Variants in MTUS2 observed in about 807,000 individuals in gnomAD.
The protein encoded by MTUS2 is microtubule-associated tumor suppressor candidate 2.
MTUS2 carries 40 observed loss-of-function variants against 114.1 expected under a neutral mutation model. The ratio of observed to expected loss-of-function variants is 0.35; its 90% CI spans 0.27 to 0.46. The LOEUF (loss-of-function observed/expected upper bound fraction) is 0.46. MTUS2 is among the 20% of genes least tolerant of loss of function. The pLI, the probability that MTUS2 is intolerant of heterozygous loss-of-function variation, is 1.00. For synonymous variants in MTUS2, 688 were observed against 672.0 expected (o/e 1.02, Z -0.37); for missense variants, 1,679 against 1,705.4 (o/e 0.98, Z 0.27).
At chr13:29,077,542 T>A (rs968056900) in intron 4 of MTUS2, among the ~76,000 whole-genome samples, 3 of 152,148 alleles carry the variant, frequency 2.0e-5, no homozygotes, top group African/African-American at 7.2e-5. Flanking sequence ...TTTCATTTAG[T>A]TTTTTCTTCC....
chr13:29,295,180 C>T (rs1898885919), intron 6 of MTUS2, among the ~76,000 whole-genome samples: 1 of 151,652 alleles, frequency 6.6e-6, no homozygotes, highest in Non-Finnish European at 1.5e-5. Context: ...GTATAGGGCA[C>T]AGTGTGACAT....
At chr13:28,970,260 T>C (rs1349107796) in intron 2 of MTUS2, among the ~76,000 whole-genome samples, 1 of 152,264 alleles carries the variant, frequency 6.6e-6, no homozygotes, top group Non-Finnish European at 1.5e-5. Flanking sequence ...TTTGTCTAGA[T>C]CTTTATATGT....
chr13:29,439,584 C>A (rs1238902441), intron 8 of MTUS2, among the ~76,000 whole-genome samples: 2 of 152,072 alleles, frequency 1.3e-5, no homozygotes, highest in Non-Finnish European at 2.9e-5. Flanking sequence ...AAGCATTTGG[C>A]CCTCAGAGAA....
At chr13:29,217,389 A>G (rs1189665587) in intron 5 of MTUS2, among the ~76,000 whole-genome samples, 2 of 152,350 alleles carry the variant, frequency 1.3e-5, no homozygotes, top group East Asian at 1.9e-4. Context: ...CCACTGCTAT[A>G]AAGGTGAGTC....
intron 7 of MTUS2, chr13:29,339,678 T>C (rs1376455745): frequency 5.4e-6 from 1 of 183,886 alleles, no homozygotes; most frequent in Non-Finnish European, 1.1e-5. Flanking sequence ...AGCGGTGGCC[T>C]GTTGGGAAAG....
chr13:28,842,336 T>C (rs1399642993), intron 2 of MTUS2, among the ~76,000 whole-genome samples: 1 of 152,184 alleles, frequency 6.6e-6, no homozygotes, highest in Non-Finnish European at 1.5e-5. Context: ...GTGGACATTA[T>C]CCTTGACTGT....
chr13:29,429,863 G>A (rs1876857378), intron 8 of MTUS2, among the ~76,000 whole-genome samples: 1 of 152,094 alleles, frequency 6.6e-6, no homozygotes, highest in Admixed American at 6.5e-5. Context: ...CGGTCACTTG[G>A]GAGCATCTTA....
intron 8 of MTUS2, chr13:29,428,869 T>G: frequency 6.2e-7 from 1 of 1,614,116 alleles, no homozygotes; most frequent in African/African-American, 1.3e-5. Context: ...GCAAGCCTTA[T>G]AACTGCCTTC....
At chr13:28,835,189 T>TA (rs1874987177) in intron 1 of MTUS2, among the ~76,000 whole-genome samples, 1 of 152,322 alleles carries the variant, frequency 6.6e-6, no homozygotes, top group Non-Finnish European at 1.5e-5. Context: ...ATTGAAAACT[T>TA]ACATATCCAT....
chr13:29,432,383 A>G (rs1593437528), intron 8 of MTUS2, among the ~76,000 whole-genome samples: 1 of 152,164 alleles, frequency 6.6e-6, no homozygotes, highest in Non-Finnish European at 1.5e-5. Flanking sequence ...TGAGCTGATG[A>G]TTGTTAGAAT....
chr13:29,076,991 A>G (rs534914340), intron 4 of MTUS2, among the ~76,000 whole-genome samples: 9 of 152,172 alleles, frequency 5.9e-5, no homozygotes, highest in Admixed American at 3.9e-4. Flanking sequence ...TTTCTTTTCT[A>G]TCATTGTAAT....
chr13:28,961,214 A>T lies in MTUS2; in HGVS notation c.-242-63243A>T, dbSNP rs533278205. Among the ~76,000 whole-genome samples, 15 of 152,298 alleles carry T rather than the reference A, an allele frequency of 9.8e-5. No homozygotes were observed. The East Asian group carries it at 2.5e-3, about 26-fold the overall frequency. On this transcript the variant is annotated intron_variant, in intron 2 of 15. Coordinates refer to ENST00000612955, the MANE Select transcript of MTUS2 (RefSeq NM_001033602.4). ...GAGGATGGACTTAAAAATTACTCAA[A>T]TAGTGGCTGAAAACTTCCTAAATTT... is the stretch of plus-strand genomic sequence containing the variant.
chr13:28,995,741 G>A (rs564171003), intron 2 of MTUS2, among the ~76,000 whole-genome samples: 54 of 152,274 alleles, frequency 3.5e-4, no homozygotes, highest in African/African-American at 1.0e-3. Flanking sequence ...TTTGCACATC[G>A]ATTTTGTATC....
At chr13:29,450,616 C>A (rs1878616253) in intron 9 of MTUS2, among the ~76,000 whole-genome samples, 1 of 152,016 alleles carries the variant, frequency 6.6e-6, no homozygotes, top group Non-Finnish European at 1.5e-5. Context: ...CTGTTCTAAG[C>A]ACACCAACTA....
At chr13:28,849,354 A>C (rs1423357920) in intron 2 of MTUS2, among the ~76,000 whole-genome samples, 1 of 152,186 alleles carries the variant, frequency 6.6e-6, no homozygotes, top group Non-Finnish European at 1.5e-5. Flanking sequence ...AAAGTTATCA[A>C]CTCTAGCATC....
chr13:29,153,952 G>A (rs192692035), intron 5 of MTUS2, among the ~76,000 whole-genome samples: 157 of 152,274 alleles, frequency 1.0e-3, no homozygotes, highest in African/African-American at 3.6e-3. Flanking sequence ...AGAGTCGAAA[G>A]GGTATTGAGG....
rs149499694 is a variant in MTUS2 at position 28,848,103 on chromosome 13, G to GAT, written c.-243+8268_-243+8269dup. On this transcript the variant is annotated intron_variant, in intron 2 of 15. Coordinates refer to ENST00000612955, the MANE Select transcript of MTUS2 (RefSeq NM_001033602.4). ...TCACACCCTCCTTTTCTAGTTCAGGGATATATATATATATATTGAATGCCT... is the reference window on the plus strand; with the variant it reads ...TCACACCCTCCTTTTCTAGTTCAGGGATATATATATATATATATTGAATGCCT... Among the ~76,000 whole-genome samples the GAT allele has an allele frequency of 4.5e-3, 671 of 150,054 alleles. 2 individuals carry two copies. The highest frequency in any genetic ancestry group is 0.016 in the East Asian group (84 of 5,142).
chr13:28,842,376 A>G (rs975348781), intron 2 of MTUS2, among the ~76,000 whole-genome samples: 1 of 152,186 alleles, frequency 6.6e-6, no homozygotes, highest in Non-Finnish European at 1.5e-5. Context: ...GAATATGAAG[A>G]CACTTTGGAT....
intron 8 of MTUS2, among the ~76,000 whole-genome samples, chr13:29,377,589 A>G (rs1871850473): frequency 6.6e-6 from 1 of 152,242 alleles, no homozygotes; most frequent in Non-Finnish European, 1.5e-5. Context: ...AAATCAAAAT[A>G]CAACATATCA....
Sources: gnomAD v4.1 joint callset for allele counts (sites outside exome capture counted in the v4.1 genomes callset) on GRCh38, gnomAD v4.1.1 for gene constraint, MANE v1.5 for transcripts, NCBI Gene and HGNC (gene_info 2026-07-23, HGNC 2026-07-21) for gene names.